The following ARHGAP15 variants were observed in gnomAD, a reference collection of about 807,000 sequenced individuals.
The protein encoded by ARHGAP15 is rho GTPase-activating protein 15.
A neutral mutation model predicts 63.7 loss-of-function variants in ARHGAP15; 51 were observed. The ratio of observed to expected loss-of-function variants is 0.80; its 90% confidence interval spans 0.64 to 1.01. The LOEUF (loss-of-function observed/expected upper bound fraction) is 1.01. ARHGAP15 is among the 50% of genes least tolerant of loss of function. ARHGAP15 has a pLI of 0.00. For missense variants in ARHGAP15, 560 were observed against 564.6 expected (o/e 0.99, Z 0.08); for synonymous variants, 191 against 193.8 (o/e 0.99, Z 0.12).
intron 13 of ARHGAP15, among the ~76,000 whole-genome samples, chr2:143,761,742 G>T (rs1686766573): frequency 6.6e-6 from 1 of 152,176 alleles, no homozygotes; most frequent in Middle Eastern, 3.4e-3. Flanking sequence ...TTTTCCGGGG[G>T]TCCAACATCT....
chr2:143,293,693 G>T (rs1424494234), intron 6 of ARHGAP15, among the ~76,000 whole-genome samples: 2 of 151,978 alleles, frequency 1.3e-5, no homozygotes, highest in East Asian at 1.9e-4. Context: ...CTTAGGTAAG[G>T]GTCTTCAGGC....
In ARHGAP15 at chr2:143,624,285, A is replaced by G; in HGVS notation, c.1138+18A>G. On this transcript the variant is annotated intron_variant, in intron 12 of 13. Transcript: ENST00000295095. ...AGCGATCAGTAAGTACCTCACAGAAAAGGGCAGGTGGTAGAATAACCTGAC... is the reference window on the plus strand; with the variant it reads ...AGCGATCAGTAAGTACCTCACAGAAGAGGGCAGGTGGTAGAATAACCTGAC... The G allele has an allele frequency of 6.2e-7, 1 of 1,604,220 alleles. No homozygotes were observed. The highest frequency in any genetic ancestry group is 8.5e-7 in the Non-Finnish European group (1 of 1,173,396).
At chr2:143,634,687 G>A (rs1574741651) in intron 12 of ARHGAP15, among the ~76,000 whole-genome samples, 1 of 152,014 alleles carries the variant, frequency 6.6e-6, no homozygotes, top group Admixed American at 6.6e-5. Flanking sequence ...TTAATATTTT[G>A]CTTTGAGAAT....
chr2:143,450,102 C>CTT (rs200169659), intron 8 of ARHGAP15, among the ~76,000 whole-genome samples: 24,219 of 110,394 alleles, frequency 0.22, 2,523 homozygotes, highest in Admixed American at 0.3. Flanking sequence ...CATAATTAAT[C>CTT]TTTTTTTTTT....
At chr2:143,487,624 C>T in intron 9 of ARHGAP15, 129 bp downstream of exon 9, 2 of 1,089,528 alleles carry the variant, frequency 1.8e-6, no homozygotes, top group Non-Finnish European at 1.3e-6. Flanking sequence ...ATTTTCTACT[C>T]TGTAACAGAG....
intron 12 of ARHGAP15, among the ~76,000 whole-genome samples, chr2:143,689,801 T>TACATATGGG (rs1683512365): frequency 6.6e-6 from 1 of 152,228 alleles, no homozygotes; most frequent in Non-Finnish European, 1.5e-5. Flanking sequence ...CTTTATGTTT[T>TACATATGGG]ACATATGGGA....
At chr2:143,472,441 G>T (rs902887241) in intron 8 of ARHGAP15, among the ~76,000 whole-genome samples, 4 of 152,118 alleles carry the variant, frequency 2.6e-5, no homozygotes, top group African/African-American at 9.7e-5. Flanking sequence ...GTGAGAAAAT[G>T]TACTGTCTCA....
At chr2:143,405,370 C>T (rs536655219) in intron 6 of ARHGAP15, among the ~76,000 whole-genome samples, 3 of 151,368 alleles carry the variant, frequency 2.0e-5, no homozygotes, top group African/African-American at 4.8e-5. Context: ...TTGATTTCCC[C>T]TCTTATGAGA....
At chr2:143,689,707 C>T (rs563068016) in intron 12 of ARHGAP15, among the ~76,000 whole-genome samples, 3 of 152,180 alleles carry the variant, frequency 2.0e-5, no homozygotes, top group Non-Finnish European at 4.4e-5. Flanking sequence ...GACTCTGTGG[C>T]ACTCTAAAAG....
intron 13 of ARHGAP15, among the ~76,000 whole-genome samples, chr2:143,758,413 C>T (rs1686652386): frequency 6.6e-6 from 1 of 151,622 alleles, no homozygotes; most frequent in Admixed American, 6.6e-5. Context: ...TTACTTTTTA[C>T]TTTTCAATAG....
At position 143,351,608 on chromosome 2, in the gene ARHGAP15, C is replaced by T. The variant is rs138652502; in HGVS notation, c.475-83993C>T. ...TACAAGGAATGGCTTTTTAACCTGG[C>T]GGGATAGGCGATGTCTATGGTAGTG... On this transcript the variant is annotated intron_variant, in intron 6 of 13. Coordinates refer to ENST00000295095, the MANE Select transcript of ARHGAP15 (RefSeq NM_018460.4). 2.2e-4 allele frequency among the ~76,000 whole-genome samples: 33 copies of T among 152,222 alleles called. No homozygotes were observed. In the East Asian group the frequency reaches 5.6e-3, roughly 26 times the overall value.
At chr2:143,641,760 T>C (rs1239796818) in intron 12 of ARHGAP15, among the ~76,000 whole-genome samples, 1 of 152,166 alleles carries the variant, frequency 6.6e-6, no homozygotes, top group Non-Finnish European at 1.5e-5. Context: ...CTGCTTTGAA[T>C]CAGAACTCTT....
chr2:143,496,478 TTCTTATGGGGACAGA>T (rs1692821541), intron 9 of ARHGAP15, among the ~76,000 whole-genome samples: 1 of 152,188 alleles, frequency 6.6e-6, no homozygotes, highest in South Asian at 2.1e-4. Context: ...AGAATTTATT[TTCTTATGGGGACAGA>T]TCTTTTTATA....
chr2:143,508,440 C>T (rs772362457), intron 9 of ARHGAP15, among the ~76,000 whole-genome samples: 5 of 152,140 alleles, frequency 3.3e-5, no homozygotes, highest in Non-Finnish European at 5.9e-5. Flanking sequence ...GTTTATTTTC[C>T]CCATTTACAT....
At chr2:143,328,041 A>G (rs1305897723) in intron 6 of ARHGAP15, among the ~76,000 whole-genome samples, 1 of 152,228 alleles carries the variant, frequency 6.6e-6, no homozygotes, top group Non-Finnish European at 1.5e-5. Flanking sequence ...CAAAACCACA[A>G]TGAGATACCA....
chr2:143,386,311 A>G (rs1020504921), intron 6 of ARHGAP15, among the ~76,000 whole-genome samples: 2 of 152,174 alleles, frequency 1.3e-5, no homozygotes, highest in African/African-American at 4.8e-5. Flanking sequence ...GCAATTTTCC[A>G]CTATGAGTTA....
At chr2:143,333,981 T>TTG (rs1271270048) in intron 6 of ARHGAP15, among the ~76,000 whole-genome samples, 1 of 152,132 alleles carries the variant, frequency 6.6e-6, no homozygotes, top group African/African-American at 2.4e-5. Context: ...ATAACAACAC[T>TTG]TGTTAAGGTT....
intron 8 of ARHGAP15, among the ~76,000 whole-genome samples, chr2:143,465,316 C>G (rs145788734): frequency 6.6e-6 from 1 of 152,280 alleles, no homozygotes; most frequent in East Asian, 1.9e-4. Flanking sequence ...GTGGCTGGCT[C>G]TCACTTTTAT....
intron 10 of ARHGAP15, among the ~76,000 whole-genome samples, chr2:143,533,710 C>T (rs1256330601): frequency 1.3e-5 from 2 of 152,186 alleles, no homozygotes; most frequent in African/African-American, 4.8e-5. Flanking sequence ...TACCCTCCTC[C>T]TCTCAAGGGG....
Sources: allele counts gnomAD v4.1 joint callset (sites outside exome capture counted in the v4.1 genomes callset), GRCh38; gene constraint gnomAD v4.1.1; transcripts MANE v1.5; gene names NCBI Gene and HGNC (gene_info 2026-07-23, HGNC 2026-07-21).